The following UTP15 variants were observed in gnomAD, a reference collection of about 807,000 sequenced individuals.
The protein encoded by UTP15 is U3 small nucleolar RNA-associated protein 15 homolog.
Under a neutral mutation model 59.1 loss-of-function variants are expected in UTP15, and 5 were observed. The observed-to-expected ratio is 0.08, with a 90% CI of 0.04 to 0.18. The LOEUF (loss-of-function observed/expected upper bound fraction) is 0.18, where lower values mean the gene tolerates loss of function less well. UTP15 is among the 10% of genes least tolerant of loss of function. The probability of loss-of-function intolerance (pLI) is 1.00; values close to 1 mark genes in which losing one functional copy is unlikely to be tolerated. For synonymous variants in UTP15, 211 were observed against 212.2 expected, an observed-to-expected ratio of 0.99 and a Z score of 0.05; for missense variants, 494 against 616.7, an observed-to-expected ratio of 0.80 and a Z score of 2.11.
intron 8 of UTP15, 69 bp downstream of exon 8, chr5:73,577,105 T>C: frequency 8.3e-7 from 1 of 1,201,892 alleles, no homozygotes; most frequent in Non-Finnish European, 1.2e-6. Context: ...AAATGGAACT[T>C]TGGGCTTTAT....
chr5:73,572,447 C>T (rs1346598867), intron 6 of UTP15, 42 bp from the exon 7 acceptor site: 1 of 1,607,204 alleles, frequency 6.2e-7, no homozygotes, highest in Non-Finnish European at 8.5e-7. Context: ...TATGTTGAAT[C>T]TGTGGGCAGA....
At chr5:73,570,334 G>GTAGTGACA (rs1490520676) in intron 5 of UTP15, among the ~76,000 whole-genome samples, 1 of 152,184 alleles carries the variant, frequency 6.6e-6, no homozygotes, top group East Asian at 1.9e-4. Context: ...AGATGATTCA[G>GTAGTGACA]TAGTGACAGT....
In UTP15 at chr5:73,579,309, CT is replaced by C. The variant is rs1268148299; in HGVS notation, c.1281-5del. ...CAAGTTTCACTAAACTGAATTTTTA[CT>C]TTGTAGGAATCTTTCTCAGCCAAGA... On this transcript the variant is annotated splice_region_variant and splice_polypyrimidine_tract_variant and intron_variant, in intron 11 of 12. Transcript: ENST00000296792. 31 of 1,605,282 alleles carry C rather than the reference CT, an allele frequency of 1.9e-5. No homozygotes were observed. The highest frequency in any genetic ancestry group is 2.5e-5 in the Non-Finnish European group (30 of 1,176,736).
Position 73,582,743 on chromosome 5 carries a change from T to G in UTP15, c.*2649T>G, listed in dbSNP as rs1218601940. 1 of 152,222 alleles carries G rather than the reference T, an allele frequency of 6.6e-6. No homozygotes were observed. Among genetic ancestry groups the G allele is most frequent in the Non-Finnish European group, 1.5e-5 (1 of 68,038 alleles). The allele number at this position is 152,222 out of a possible 1,614,324, so 9.4% of individuals were successfully genotyped here. ...CTGTAGTATTTGCTGTTTGAAGTAT[T>G]TAAACATAATTGGCATATTACAATA... is the stretch of plus-strand genomic sequence containing the variant. On this transcript the variant is annotated 3_prime_UTR_variant, in exon 13 of 13. Coordinates refer to ENST00000296792, the MANE Select transcript of UTP15 (RefSeq NM_032175.4).
chr5:73,578,782 A>C lies in UTP15; in HGVS notation c.1076A>C (p.Lys359Thr). 1 of 1,613,822 alleles carries C rather than the reference A, an allele frequency of 6.2e-7. No homozygotes were observed. Among genetic ancestry groups the C allele is most frequent in the Non-Finnish European group, 8.5e-7 (1 of 1,179,742 alleles). The change falls in exon 10 of 13, where the codon AAG becomes ACG. Residue 359 changes from lysine to threonine, a missense_variant. Transcript: ENST00000296792. ...DDILINRPAK[K>T]HLELYDRDLK... Reference sequence around the variant, plus strand: ...ATTTTGATTAACAGGCCAGCAAAGAAGCACCTAGAATTGTATGACAGGGAT... The same window carrying C: ...ATTTTGATTAACAGGCCAGCAAAGACGCACCTAGAATTGTATGACAGGGAT...
At chr5:73,566,330 A>C in intron 1 of UTP15, 1 of 188,176 alleles carries the variant, frequency 5.3e-6, no homozygotes, top group Non-Finnish European at 1.1e-5. Flanking sequence ...CACCAGCCAA[A>C]ATGGAGTATA....
chr5:73,571,616 C>T (rs1440452350), intron 6 of UTP15, among the ~76,000 whole-genome samples: 8 of 129,314 alleles, frequency 6.2e-5, no homozygotes, highest in African/African-American at 1.2e-4. Context: ...GTTTTATATT[C>T]TTTTCCCCAG....
Position 73,580,148 on chromosome 5 carries a change from A to G in UTP15, c.*54A>G. 4.6e-6 allele frequency: 7 copies of G among 1,508,720 alleles called. No individual in the cohort carries two copies. The highest frequency in any genetic ancestry group is 6.3e-6 in the Non-Finnish European group (7 of 1,102,640). 93.5% of individuals were successfully genotyped at this position (1,508,720 alleles called of 1,614,324 possible). A position where few individuals can be genotyped will look rare whatever the true frequency, so the allele number is the denominator to read the frequency against. On this transcript the variant is annotated 3_prime_UTR_variant, in exon 13 of 13. Coordinates refer to ENST00000296792, the MANE Select transcript of UTP15 (RefSeq NM_032175.4). ...CTGAAGTTGGAATAGATTTGACTGTATTAAATGTTGGCGAGAGACTCTCTT... is the reference window on the plus strand; with the variant it reads ...CTGAAGTTGGAATAGATTTGACTGTGTTAAATGTTGGCGAGAGACTCTCTT...
At position 73,579,381 on chromosome 5, in the gene UTP15, T is replaced by C. The variant is rs763197457; in HGVS notation, c.1339+6T>C. On this transcript the variant is annotated splice_donor_region_variant and intron_variant, in intron 12 of 12. Coordinates refer to ENST00000296792, the MANE Select transcript of UTP15 (RefSeq NM_032175.4). ...TGCTGCTGAAATAATTATTGGTAAG[T>C]CATTGTTAAAACTTGAAAATCCTAA... The C allele has an allele frequency of 8.1e-6, 13 of 1,597,938 alleles. No individual in the cohort carries two copies. The East Asian group carries it at 2.9e-4, about 36-fold the overall frequency.
At position 73,579,076 on chromosome 5, in the gene UTP15, A is replaced by C. The variant is rs762217445; in HGVS notation, c.1206A>C (p.Arg402=). Residue 402 remains arginine, a synonymous_variant, in exon 11 of 13, where the codon CGA becomes CGC. Transcript: ENST00000296792. Reference sequence around the variant, plus strand: ...TGTCCATCATAAAGGAGTTAAATCGAAGAGGAGTCCTTGCAAATGCGCTTG... The same window carrying C: ...TGTCCATCATAAAGGAGTTAAATCGCAGAGGAGTCCTTGCAAATGCGCTTG... The part of the protein sequence containing the change: ...ITVSIIKELN[R]RGVLANALAG... 6.2e-6 allele frequency: 10 copies of C among 1,613,884 alleles called. 1 individual carries two copies. The South Asian group carries it at 9.9e-5, about 16-fold the overall frequency.
chr5:73,566,535 G>C (rs574611885), intron 1 of UTP15, among the ~76,000 whole-genome samples: 1 of 152,114 alleles, frequency 6.6e-6, no homozygotes, highest in African/African-American at 2.4e-5. Flanking sequence ...TATTTATCGT[G>C]GTGTTACTAA....
intron 12 of UTP15, among the ~76,000 whole-genome samples, chr5:73,579,594 A>G (rs1448046248): frequency 6.6e-6 from 1 of 152,094 alleles, no homozygotes; most frequent in Admixed American, 6.5e-5. Context: ...ATTATAAAAA[A>G]TTTTTTTCAT....
chr5:73,578,046 T>C (rs375737851), intron 9 of UTP15, 41 bp downstream of exon 9: 9 of 1,564,428 alleles, frequency 5.8e-6, no homozygotes, highest in Non-Finnish European at 7.7e-6. Flanking sequence ...GGGTGAAATT[T>C]GTTAGAGTAG....
At chr5:73,579,766 ATT>A (rs1748241586) in intron 12 of UTP15, 109 bp from the exon 13 acceptor site, 1 of 559,014 alleles carries the variant, frequency 1.8e-6, no homozygotes, top group Non-Finnish European at 2.9e-6. Flanking sequence ...ATAAGTACAG[ATT>A]TTTCAGTGTT....
intron 6 of UTP15, 113 bp downstream of exon 6, chr5:73,570,824 T>G (rs1252491957): frequency 1.4e-6 from 2 of 1,434,100 alleles, no homozygotes. Context: ...ATCTAAGTCT[T>G]TGTTCAAACA....
In UTP15 at chr5:73,565,782, G is replaced by T. The variant is rs1420076304; in HGVS notation, c.-214G>T. Reference sequence around the variant, plus strand: ...CGACGTTCGGTTCGCTGTGTGTGTCGCCGGCTCCTTGAGGGTCCATGTGAT... The same window carrying T: ...CGACGTTCGGTTCGCTGTGTGTGTCTCCGGCTCCTTGAGGGTCCATGTGAT... On this transcript the variant is annotated 5_prime_UTR_variant, in exon 1 of 13. Coordinates refer to ENST00000296792, the MANE Select transcript of UTP15 (RefSeq NM_032175.4). The T allele has an allele frequency of 1.1e-5, 5 of 456,140 alleles. No individual in the cohort carries two copies. Among genetic ancestry groups the T allele is most frequent in the African/African-American group, 4.0e-5 (2 of 50,068 alleles). The allele number at this position is 456,140 out of a possible 1,614,324, so 28.3% of individuals were successfully genotyped here.
In UTP15 at chr5:73,572,806, C is replaced by CT. The variant is rs933023607; in HGVS notation, c.809+191dup. 9.9e-5 allele frequency among the ~76,000 whole-genome samples: 15 copies of CT among 151,106 alleles called. No individual in the cohort carries two copies. In the East Asian group the frequency reaches 1.2e-3, roughly 12 times the overall value. ...TACATATAGCTACTTCTTTTCTTTT[C>CT]TTTTTTTTTGAGACAGAGTCTCACT... On this transcript the variant is annotated intron_variant, in intron 7 of 12. Coordinates refer to ENST00000296792, the MANE Select transcript of UTP15 (RefSeq NM_032175.4).
chr5:73,565,769 C>T lies in UTP15; in HGVS notation c.-227C>T, dbSNP rs761925354. 8 of 456,148 alleles carry T rather than the reference C, an allele frequency of 1.8e-5. No homozygotes were observed. Among genetic ancestry groups the T allele is most frequent in the South Asian group, 6.2e-5 (4 of 64,574 alleles). The allele number at this position is 456,148 out of a possible 1,614,324, so 28.3% of individuals were successfully genotyped here. A position where few individuals can be genotyped will look rare whatever the true frequency, so the allele number is the denominator to read the frequency against. On this transcript the variant is annotated 5_prime_UTR_variant, in exon 1 of 13. Transcript: ENST00000296792. ...CGTCATCTTCGCGCGACGTTCGGTT[C>T]GCTGTGTGTGTCGCCGGCTCCTTGA... is the stretch of plus-strand genomic sequence containing the variant.
chr5:73,569,754 A>T, intron 5 of UTP15, 79 bp downstream of exon 5: 2 of 1,292,112 alleles, frequency 1.5e-6, no homozygotes, highest in Non-Finnish European at 2.1e-6. Flanking sequence ...CTCTTTTGGG[A>T]TGGAGGGGTT....
Sources: allele counts gnomAD v4.1 joint callset (sites outside exome capture counted in the v4.1 genomes callset), GRCh38; gene constraint gnomAD v4.1.1; transcripts MANE v1.5; gene names NCBI Gene and HGNC (gene_info 2026-07-23, HGNC 2026-07-21).